The following ATP8A1 variants were observed in gnomAD, a reference collection of about 807,000 sequenced individuals.
ATP8A1 encodes the protein phospholipid-transporting ATPase IA.
A neutral mutation model predicts 177.7 loss-of-function variants in ATP8A1; 90 were observed. The ratio of observed to expected loss-of-function variants is 0.51; its 90% CI spans 0.43 to 0.60. The LOEUF is 0.60. Ranked by LOEUF, ATP8A1 falls within the 20% of genes least tolerant of loss-of-function variation. The pLI is 0.00. For synonymous variants in ATP8A1, 493 were observed against 485.9 expected (o/e 1.01, Z -0.19); for missense variants, 1,072 against 1,392.8 (o/e 0.77, Z 3.67).
At chr4:42,434,172 T>C (rs1343234168) in intron 33 of ATP8A1, among the ~76,000 whole-genome samples, 6 of 152,162 alleles carry the variant, frequency 3.9e-5, no homozygotes, top group Admixed American at 3.3e-4. Flanking sequence ...ATGAGGACAG[T>C]ATTAGTAAAA....
At chr4:42,509,189 G>A (rs1262027353) in intron 22 of ATP8A1, among the ~76,000 whole-genome samples, 2 of 152,142 alleles carry the variant, frequency 1.3e-5, no homozygotes, top group African/African-American at 4.8e-5. Flanking sequence ...AATGTCCCAA[G>A]GTATAATTAT....
rs1269803445 is a variant in ATP8A1, at chr4:42,507,044, C to T, written c.2058G>A (p.Gly686=). ...TGTTAATGGCAGTTTCTTGCTTGTCCCCTGTAAGGATCCAGATTTTGATGT... is the reference window on the plus strand; with the variant it reads ...TGTTAATGGCAGTTTCTTGCTTGTCTCCTGTAAGGATCCAGATTTTGATGT... ...KADIKIWILT[G]DKQETAINIG... is the part of the protein sequence containing the mutation. Residue 686 remains glycine, a synonymous_variant, in exon 23 of 37, where the codon GGG becomes GGA. Transcript: ENST00000381668. 1.9e-6 allele frequency: 3 copies of T among 1,613,844 alleles called. No homozygotes were observed. Among genetic ancestry groups the T allele is most frequent in the Non-Finnish European group, 2.5e-6 (3 of 1,179,954 alleles).
intron 25 of ATP8A1, among the ~76,000 whole-genome samples, chr4:42,473,418 G>A (rs961905651): frequency 1.3e-5 from 2 of 152,088 alleles, no homozygotes; most frequent in East Asian, 3.9e-4. Flanking sequence ...TATTTAGGGA[G>A]CCTTGCCAAT....
intron 4 of ATP8A1, among the ~76,000 whole-genome samples, chr4:42,617,030 T>A (rs575427492): frequency 1.3e-5 from 2 of 152,240 alleles, no homozygotes; most frequent in African/African-American, 4.8e-5. Context: ...AATATAGTTG[T>A]GCGTACCTGA....
At chr4:42,516,898 A>T (rs1298214535) in intron 22 of ATP8A1, among the ~76,000 whole-genome samples, 1 of 152,254 alleles carries the variant, frequency 6.6e-6, no homozygotes, top group Non-Finnish European at 1.5e-5. Context: ...TTAAAGTGAC[A>T]GATCAAAGGT....
intron 15 of ATP8A1, among the ~76,000 whole-genome samples, chr4:42,564,163 C>T (rs994930245): frequency 6.6e-6 from 1 of 152,168 alleles, no homozygotes; most frequent in Non-Finnish European, 1.5e-5. Flanking sequence ...TATGAAAATG[C>T]CTGGATGTCC....
chr4:42,523,547 C>G (rs899380152), intron 21 of ATP8A1, among the ~76,000 whole-genome samples: 1 of 152,152 alleles, frequency 6.6e-6, no homozygotes, highest in Non-Finnish European at 1.5e-5. Flanking sequence ...ATGTTTTTCT[C>G]TCTTGGAAAC....
chr4:42,539,871 T>C (rs1246402559), intron 20 of ATP8A1, among the ~76,000 whole-genome samples: 2 of 152,120 alleles, frequency 1.3e-5, no homozygotes, highest in East Asian at 1.9e-4. Flanking sequence ...GGGAAAACTA[T>C]CCTGGGCATT....
chr4:42,574,517 AAAC>A (rs1732234908), intron 14 of ATP8A1, 99 bp downstream of exon 14: 1 of 918,724 alleles, frequency 1.1e-6, no homozygotes, highest in Non-Finnish European at 1.7e-6. Flanking sequence ...AAAAAAAACC[AAAC>A]AACCCCATAC....
chr4:42,547,999 G>A (rs1284359038), intron 19 of ATP8A1, among the ~76,000 whole-genome samples: 2 of 152,138 alleles, frequency 1.3e-5, no homozygotes, highest in African/African-American at 4.8e-5. Flanking sequence ...CTGCAGCAAG[G>A]GCCTCTCTGC....
At chr4:42,488,947 G>C (rs942477374) in intron 24 of ATP8A1, among the ~76,000 whole-genome samples, 2 of 152,168 alleles carry the variant, frequency 1.3e-5, no homozygotes, top group African/African-American at 4.8e-5. Flanking sequence ...TATTGAATGA[G>C]AGCATTGATA....
rs958195871 is a variant in ATP8A1, at chr4:42,418,720, T to C, written c.3306-4002A>G. ...TACCATAACCCATGGCTCAAAAGCA[T>C]GCGTATTTAGAACATACTTAGATTG... On this transcript the variant is annotated intron_variant, in intron 35 of 36. Transcript: ENST00000381668. Among the ~76,000 whole-genome samples, 7 of 152,294 alleles carry C rather than the reference T, an allele frequency of 4.6e-5. No homozygotes were observed. In the South Asian group the frequency reaches 8.3e-4, roughly 18 times the overall value.
At chr4:42,619,909 T>G (rs1737299645) in intron 4 of ATP8A1, among the ~76,000 whole-genome samples, 1 of 152,198 alleles carries the variant, frequency 6.6e-6, no homozygotes, top group Non-Finnish European at 1.5e-5. Flanking sequence ...CTCCCCACCC[T>G]TGCTACAATA....
rs4861211 is a variant in ATP8A1, at chr4:42,626,546, G to A, written c.164+449C>T. ...ACACAACAGTGCAGTGAAGTAATTC[G>A]CACAGCCCTCCATTCCTCCACACCA... On this transcript the variant is annotated intron_variant, in intron 2 of 36. Coordinates refer to ENST00000381668, the MANE Select transcript of ATP8A1 (RefSeq NM_006095.2). The A allele has an allele frequency of 1.7e-3, 288 of 168,366 alleles. 1 individual carries two copies. Among genetic ancestry groups the A allele is most frequent in the African/African-American group, 6.6e-3 (277 of 41,664 alleles). The allele number at this position is 168,366 out of a possible 1,614,324, so 10.4% of individuals were successfully genotyped here.
intron 16 of ATP8A1, among the ~76,000 whole-genome samples, 163 bp downstream of exon 16, chr4:42,555,805 C>T (rs1300488841): frequency 1.3e-5 from 2 of 151,700 alleles, no homozygotes; most frequent in Non-Finnish European, 2.9e-5. Context: ...GCCCCAGCGA[C>T]AGAGTGAGAC....
chr4:42,642,883 C>T (rs980477272), intron 1 of ATP8A1, among the ~76,000 whole-genome samples: 1 of 152,182 alleles, frequency 6.6e-6, no homozygotes, highest in African/African-American at 2.4e-5. Context: ...GACTTCAAAA[C>T]CACTCCAGCG....
chr4:42,475,389 TA>T (rs1276894519), intron 25 of ATP8A1, among the ~76,000 whole-genome samples: 1 of 150,930 alleles, frequency 6.6e-6, no homozygotes, highest in Non-Finnish European at 1.5e-5. Context: ...TGTTAACCAC[TA>T]TATTATACAG....
chr4:42,625,773 A>G, intron 2 of ATP8A1, 60 bp from the exon 3 acceptor site: 1 of 1,040,298 alleles, frequency 9.6e-7, no homozygotes, highest in East Asian at 2.6e-5. Flanking sequence ...CCACACTTAC[A>G]AAGTTCTGTT....
chr4:42,562,247 A>G (rs915317083), intron 15 of ATP8A1: 32 of 152,452 alleles, frequency 2.1e-4, no homozygotes, highest in African/African-American at 7.0e-4. Flanking sequence ...TTCGACAGTC[A>G]TGCCATCGGC....
Sources: gnomAD v4.1 joint callset for allele counts (sites outside exome capture counted in the v4.1 genomes callset) on GRCh38, gnomAD v4.1.1 for gene constraint, MANE v1.5 for transcripts, NCBI Gene and HGNC (gene_info 2026-07-23, HGNC 2026-07-21) for gene names.